Variants in KIFC1 observed in about 807,000 individuals in gnomAD.
KIFC1 encodes the protein kinesin-like protein KIFC1.
In KIFC1, 37 loss-of-function variants were observed where a neutral mutation model predicts 66.6. That is an observed-to-expected ratio of 0.56 (90% CI 0.43 to 0.73). KIFC1 has a LOEUF of 0.73. KIFC1 is among the 30% of genes least tolerant of loss of function. The pLI, the probability that KIFC1 is intolerant of heterozygous loss-of-function variation, is 0.00. For synonymous variants in KIFC1, 325 were observed against 343.5 expected (o/e 0.95, Z 0.60); for missense variants, 721 against 859.8 (o/e 0.84, Z 2.02).
intron 1 of KIFC1, among the ~76,000 whole-genome samples, chr6:33,394,816 G>A (rs1468406000): frequency 6.6e-6 from 1 of 152,182 alleles, no homozygotes; most frequent in African/African-American, 2.4e-5. Context: ...GTTCAGTATA[G>A]GTGCAGGATC....
At chr6:33,391,535 T>G, upstream of KIFC1, 1 of 226,624 alleles carries the variant, frequency 4.4e-6, no homozygotes, top group South Asian at 4.7e-5. Context: ...GTTGCGTTCG[T>G]GCGGCGACGT....
chr6:33,408,899 G>A (rs564342412), intron 10 of KIFC1, among the ~76,000 whole-genome samples: 2 of 152,292 alleles, frequency 1.3e-5, no homozygotes, highest in African/African-American at 2.4e-5. Context: ...CTGGCCGGGC[G>A]CGGTGGCTCA....
intron 3 of KIFC1, among the ~76,000 whole-genome samples, chr6:33,402,792 A>G (rs144431327): frequency 0.012 from 1,838 of 151,974 alleles, 37 homozygotes; most frequent in African/African-American, 0.036. Flanking sequence ...GTTTGAGGCC[A>G]GCCTAATCAA....
intron 1 of KIFC1, among the ~76,000 whole-genome samples, chr6:33,393,041 A>C (rs1043066394): frequency 6.6e-6 from 1 of 152,170 alleles, no homozygotes; most frequent in Non-Finnish European, 1.5e-5. Context: ...GGTTGAGGAC[A>C]TAGGGGAGGC....
At chr6:33,397,296 C>CCT (rs1775104001) in intron 1 of KIFC1, among the ~76,000 whole-genome samples, 1 of 102,628 alleles carries the variant, frequency 9.7e-6, no homozygotes, top group Non-Finnish European at 1.9e-5. Flanking sequence ...TTCTAATGCC[C>CCT]TTTTTTTTTT....
In KIFC1 at chr6:33,394,484, T is replaced by C. The variant is rs545895010; in HGVS notation, c.12+2487T>C. 2.3e-4 allele frequency among the ~76,000 whole-genome samples: 35 copies of C among 152,020 alleles called. No homozygotes were observed. In the South Asian group the frequency reaches 5.2e-3, roughly 23 times the overall value. On this transcript the variant is annotated intron_variant, in intron 1 of 10. Coordinates refer to ENST00000428849, the MANE Select transcript of KIFC1 (RefSeq NM_002263.4). ...AGAGGTCAGTTATTAGACTTCCAAA[T>C]GGAGATTTTTTTTGATACGGAGTCT...
At position 33,403,935 on chromosome 6, in the gene KIFC1, C is replaced by T; in HGVS notation, c.562C>T (p.Leu188=). The T allele has an allele frequency of 1.9e-6, 3 of 1,614,242 alleles. No homozygotes were observed. The highest frequency in any genetic ancestry group is 2.5e-6 in the Non-Finnish European group (3 of 1,180,038). ...GGCCCTGGGGACAGAGCGCACAACA[C>T]TGGAGGGGCATTTAGCCAAGGTACA... is the stretch of plus-strand genomic sequence containing the variant. ...VKALGTERTT[L]EGHLAKVQAQ... Residue 188 remains leucine, a synonymous_variant, in exon 6 of 11, where the codon CTG becomes TTG. Transcript: ENST00000428849. The surrounding 1 kb of genome is among the most constrained non-coding windows in gnomAD (Gnocchi z 4.6).
chr6:33,409,859 T>G lies in KIFC1; in HGVS notation c.*169T>G, dbSNP rs1277639673. On this transcript the variant is annotated 3_prime_UTR_variant, in exon 11 of 11. Coordinates refer to ENST00000428849, the MANE Select transcript of KIFC1 (RefSeq NM_002263.4). ...GCTATCAAATAAAGAATAGTTTGGT[T>G]TTTTTTTTAAATAAAGGTTTTATTA... is the stretch of plus-strand genomic sequence containing the variant. 5 of 654,656 alleles carry G rather than the reference T, an allele frequency of 7.6e-6. No individual in the cohort carries two copies. Among genetic ancestry groups the G allele is most frequent in the African/African-American group, 3.7e-5 (2 of 53,936 alleles). The allele number at this position is 654,656 out of a possible 1,614,324, so 40.6% of individuals were successfully genotyped here. A position where few individuals can be genotyped will look rare whatever the true frequency, so the allele number is the denominator to read the frequency against.
chr6:33,409,690 A>G lies in KIFC1; in HGVS notation c.2022A>G (p.Ter674TrpextTer29), dbSNP rs1409755177. ...GTACTGCTCAGGCCAACAGGAAGTG[A>G]AGACGGATCCAGATCTGTGTGTGTG... ...VIGTAQANRK[*>W] The change falls in exon 11 of 11, where the codon TGA becomes TGG. Residue 674 changes from the stop codon to tryptophan (W), a stop_lost. Transcript: ENST00000428849. 1 of 1,578,342 alleles carries G rather than the reference A, an allele frequency of 6.3e-7. No homozygotes were observed. Among genetic ancestry groups the G allele is most frequent in the African/African-American group, 1.4e-5 (1 of 70,154 alleles).
Position 33,406,199 on chromosome 6 carries a change from G to A in KIFC1, c.1540G>A (p.Asp514Asn). The A allele has an allele frequency of 6.2e-7, 1 of 1,602,250 alleles. No individual in the cohort carries two copies. Residue 514 changes from aspartate (D) to asparagine (N), a missense_variant, in exon 8 of 11, where the codon GAC becomes AAC. Physicochemically the swap from Asp to Asn is conservative, Grantham distance 23 (BLOSUM62 1). Coordinates refer to ENST00000428849, the MANE Select transcript of KIFC1 (RefSeq NM_002263.4). This position sits in a 1 kb window ranked among gnomAD's most constrained non-coding sequence, Gnocchi z 4.5. ...YVPVSCEKEV[D>N]ALLHLARQNR... is the part of the protein sequence containing the mutation. Reference sequence around the variant, plus strand: ...CCCCTTCTGCTCCCATCCCCAGGTGGACGCCCTGCTTCATCTGGCCCGCCA... The same window carrying A: ...CCCCTTCTGCTCCCATCCCCAGGTGAACGCCCTGCTTCATCTGGCCCGCCA...
rs1451698942 is a variant in KIFC1 at position 33,391,862 on chromosome 6, G to A, written c.-124G>A. On this transcript the variant is annotated 5_prime_UTR_variant, in exon 1 of 11. Coordinates refer to ENST00000428849, the MANE Select transcript of KIFC1 (RefSeq NM_002263.4). The stretch of plus-strand genomic sequence containing the variant: ...GCGGGTGTGGCGCGGGGCTGGTAGC[G>A]GCCGGAGCCGTGCGAGTTCTCTACC... 2 of 1,186,066 alleles carry A rather than the reference G, an allele frequency of 1.7e-6. No homozygotes were observed. Among genetic ancestry groups the A allele is most frequent in the East Asian group, 5.1e-5 (2 of 39,254 alleles). The allele number at this position is 1,186,066 out of a possible 1,614,324, so 73.5% of individuals were successfully genotyped here.
intron 3 of KIFC1, among the ~76,000 whole-genome samples, chr6:33,398,756 G>A (rs373024138): frequency 2.0e-5 from 3 of 152,202 alleles, no homozygotes; most frequent in African/African-American, 4.8e-5. Flanking sequence ...GTGAGGCACC[G>A]CACCCAGCCT....
rs1311941335 is a variant in KIFC1 at position 33,404,035 on chromosome 6, G to A, written c.662G>A (p.Ser221Asn). The change falls in exon 6 of 11, where the codon AGC (serine) becomes AAC (asparagine). Residue 221 changes from serine (S) to asparagine (N), a missense_variant. Transcript: ENST00000428849. This position sits in a 1 kb window ranked among gnomAD's most constrained non-coding sequence, Gnocchi z 4.0. Reference sequence around the variant, plus strand: ...GTCCTGGAGCTGGAAGAGCGGCTGAGCACGCAGGAGGGCTTGGTGCAAGAG... The same window carrying A: ...GTCCTGGAGCTGGAAGAGCGGCTGAACACGCAGGAGGGCTTGGTGCAAGAG... ...ACVLELEERL[S>N]TQEGLVQELQ... 8 of 1,614,166 alleles carry A rather than the reference G, an allele frequency of 5.0e-6. No individual in the cohort carries two copies. Among genetic ancestry groups the A allele is most frequent in the Non-Finnish European group, 6.8e-6 (8 of 1,180,034 alleles).
chr6:33,403,336 A>C lies in KIFC1; in HGVS notation c.273A>C (p.Thr91=), dbSNP rs753971626. 6.2e-7 allele frequency: 1 copy of C among 1,613,840 alleles called. No homozygotes were observed. The highest frequency in any genetic ancestry group is 8.5e-7 in the Non-Finnish European group (1 of 1,180,016). The stretch of plus-strand genomic sequence containing the variant: ...CAGCTCAAAAAGTTTCCAAGAAGAC[A>C]GGACCCCGGTGTTCCACAGCTATTG... ...QTTAQKVSKK[T]GPRCSTAIAT... Residue 91 remains threonine, a synonymous_variant, in exon 4 of 11, where the codon ACA becomes ACC. Transcript: ENST00000428849. The surrounding 1 kb of genome is among the most constrained non-coding windows in gnomAD (Gnocchi z 4.6).
chr6:33,392,035 G>A, intron 1 of KIFC1, 38 bp downstream of exon 1: 2 of 1,611,158 alleles, frequency 1.2e-6, no homozygotes, highest in Middle Eastern at 1.7e-4. Context: ...CCCTGGGGAT[G>A]GGGACGAAGG....
chr6:33,403,220 G>C lies in KIFC1; in HGVS notation c.251-94G>C. On this transcript the variant is annotated intron_variant, in intron 3 of 10. Transcript: ENST00000428849. This position sits in a 1 kb window ranked among gnomAD's most constrained non-coding sequence, Gnocchi z 4.6. The stretch of plus-strand genomic sequence containing the variant: ...AGGAAGTTATCCTATTTCTAATTCT[G>C]AGAAAAGCACTTCTTCTGCCCCTGT... The C allele has an allele frequency of 8.5e-7, 1 of 1,172,032 alleles. No homozygotes were observed. Among genetic ancestry groups the C allele is most frequent in the Non-Finnish European group, 1.3e-6 (1 of 784,846 alleles). 72.6% of individuals were successfully genotyped at this position (1,172,032 alleles called of 1,614,324 possible).
intron 3 of KIFC1, 147 bp downstream of exon 3, chr6:33,398,534 A>G: frequency 1.5e-6 from 1 of 658,380 alleles, no homozygotes; most frequent in Admixed American, 2.7e-5. Context: ...GCTCAATCTC[A>G]CTCACTGCAA....
At position 33,406,744 on chromosome 6, in the gene KIFC1, C is replaced by T; in HGVS notation, c.1902-56C>T. ...GGGTAGAAAGGGGAACAGTGGAGAC[C>T]TGTCCAGGCTCTGCTGGCCCCTAAT... On this transcript the variant is annotated intron_variant, in intron 9 of 10. Transcript: ENST00000428849. This position sits in a 1 kb window ranked among gnomAD's most constrained non-coding sequence, Gnocchi z 4.5. 1 of 1,610,908 alleles carries T rather than the reference C, an allele frequency of 6.2e-7. No homozygotes were observed. Among genetic ancestry groups the T allele is most frequent in the Non-Finnish European group, 8.5e-7 (1 of 1,177,074 alleles).
chr6:33,393,434 C>CTTT (rs71536188), intron 1 of KIFC1, among the ~76,000 whole-genome samples: 1,236 of 82,460 alleles, frequency 0.015, 46 homozygotes, highest in African/African-American at 0.031. Flanking sequence ...GCACCATTGC[C>CTTT]TTTTTTTTTT....
Sources: allele counts gnomAD v4.1 joint callset (sites outside exome capture counted in the v4.1 genomes callset), GRCh38; gene constraint gnomAD v4.1.1; non-coding constraint Gnocchi (gnomAD v3.1); transcripts MANE v1.5; gene names NCBI Gene and HGNC (gene_info 2026-07-23, HGNC 2026-07-21).